The following IGSF3 variants were observed in gnomAD, a reference collection of about 807,000 sequenced individuals.
The protein encoded by IGSF3 is immunoglobulin superfamily member 3.
IGSF3 carries 23 observed loss-of-function variants against 114.4 expected under a neutral mutation model. The ratio of observed to expected loss-of-function variants is 0.20; its 90% CI spans 0.14 to 0.28. The LOEUF (loss-of-function observed/expected upper bound fraction) is 0.28, where lower values mean the gene tolerates loss of function less well. Ranked by LOEUF, IGSF3 falls within the 10% of genes least tolerant of loss-of-function variation. The pLI is 1.00. For missense variants in IGSF3, 1,172 were observed against 1,591.5 expected, an observed-to-expected ratio of 0.74 and a Z score of 4.48; for synonymous variants, 571 against 645.2, an observed-to-expected ratio of 0.88 and a Z score of 1.74.
At position 116,600,931 on chromosome 1, in the gene IGSF3, C is replaced by T. The variant is rs1397170928; in HGVS notation, c.1625-586G>A. ...TATCCTAAATGCAGGGTTCTGCAGG[C>T]TCAGCGGCTGTGGGTCTCTCAATAT... On this transcript the variant is annotated intron_variant, in intron 6 of 10. Transcript: ENST00000369486. The surrounding 1 kb of genome is among the most constrained non-coding windows in gnomAD (Gnocchi z 5.5). 6.6e-6 allele frequency among the ~76,000 whole-genome samples: 1 copy of T among 152,188 alleles called. No individual in the cohort carries two copies. The highest frequency in any genetic ancestry group is 1.5e-5 in the Non-Finnish European group (1 of 68,042).
At chr1:116,581,460 T>G (rs1341695510) in intron 9 of IGSF3, among the ~76,000 whole-genome samples, 1 of 151,692 alleles carries the variant, frequency 6.6e-6, no homozygotes, top group East Asian at 1.9e-4. Context: ...TAAACTGAAG[T>G]AGAGATACCA....
chr1:116,621,605 C>CT (rs1279231689), intron 2 of IGSF3, among the ~76,000 whole-genome samples: 97 of 148,568 alleles, frequency 6.5e-4, no homozygotes, highest in African/African-American at 1.3e-3. Flanking sequence ...AAGTTTGGGG[C>CT]TTTTTTTTTT....
In IGSF3 at chr1:116,627,351, T is replaced by C; in HGVS notation, c.44-10894A>G. ...CTAGGATACCCCAGTTTCTCCAGAC[T>C]CTCAGTCTGGTCCCCAGATTTTCAG... is the stretch of plus-strand genomic sequence containing the variant. On this transcript the variant is annotated intron_variant, in intron 2 of 10. Coordinates refer to ENST00000369486, the MANE Select transcript of IGSF3 (RefSeq NM_001007237.3). The surrounding 1 kb of genome is among the most constrained non-coding windows in gnomAD (Gnocchi z 4.7). 6.6e-6 allele frequency among the ~76,000 whole-genome samples: 1 copy of C among 152,314 alleles called. No individual in the cohort carries two copies. The highest frequency in any genetic ancestry group is 1.9e-4 in the East Asian group (1 of 5,178).
intron 6 of IGSF3, among the ~76,000 whole-genome samples, chr1:116,601,180 C>T (rs1327414829): frequency 2.0e-5 from 3 of 152,164 alleles, no homozygotes; most frequent in African/African-American, 4.8e-5. Flanking sequence ...CCTTGTAGAA[C>T]AGGCAGGCTT....
rs1647326505 is a variant in IGSF3, at chr1:116,627,116, G to A, written c.44-10659C>T. 6.6e-6 allele frequency among the ~76,000 whole-genome samples: 1 copy of A among 152,134 alleles called. No individual in the cohort carries two copies. The highest frequency in any genetic ancestry group is 6.5e-5 in the Admixed American group (1 of 15,280). On this transcript the variant is annotated intron_variant, in intron 2 of 10. Transcript: ENST00000369486. The surrounding 1 kb of genome is among the most constrained non-coding windows in gnomAD (Gnocchi z 4.7). ...TTTCCGTCCGGTTTTGGAGATAACA[G>A]AAATAGGCTGAGTGTTGGGCATTTT...
Position 116,596,434 on chromosome 1 carries a change from G to C in IGSF3, c.2029+3507C>G, listed in dbSNP as rs688378. On this transcript the variant is annotated intron_variant, in intron 7 of 10. Transcript: ENST00000369486. The surrounding 1 kb of genome is among the most constrained non-coding windows in gnomAD (Gnocchi z 4.1). ...GCGCTGGTTCGGAGCTCTGGTATCC[G>C]CAAGTCTTAGAGCCACCTTGTGGCA... is the stretch of plus-strand genomic sequence containing the variant. Among the ~76,000 whole-genome samples, 58,404 of 151,938 alleles carry C rather than the reference G, an allele frequency of 0.38. 11,602 individuals are homozygous for C. Among genetic ancestry groups the C allele is most frequent in the Non-Finnish European group, 0.41 (27,774 of 67,926 alleles).
At position 116,582,342 on chromosome 1, in the gene IGSF3, C is replaced by CCTGGATCTCACTGTGACCGCCA. The variant is rs1553209599; in HGVS notation, c.2848+2281_2848+2302dup. On this transcript the variant is annotated intron_variant, in intron 9 of 10. Transcript: ENST00000369486. The surrounding 1 kb of genome is among the most constrained non-coding windows in gnomAD (Gnocchi z 4.7). ...CTGTCTGCGTGACACTAACAGCTCC[C>CCTGGATCTCACTGTGACCGCCA]CTGGATCTCACTGTGACCGCCAATT... 6.6e-6 allele frequency among the ~76,000 whole-genome samples: 1 copy of CCTGGATCTCACTGTGACCGCCA among 152,222 alleles called. No individual in the cohort carries two copies. Among genetic ancestry groups the CCTGGATCTCACTGTGACCGCCA allele is most frequent in the Non-Finnish European group, 1.5e-5 (1 of 68,042 alleles).
intron 1 of IGSF3, among the ~76,000 whole-genome samples, chr1:116,667,260 T>C (rs1428444950): frequency 6.6e-6 from 1 of 151,912 alleles, no homozygotes; most frequent in African/African-American, 2.4e-5. Flanking sequence ...CCAGGGCAAA[T>C]CGGGAAGGGG....
At position 116,647,502 on chromosome 1, in the gene IGSF3, C is replaced by T. The variant is rs936546977; in HGVS notation, c.43+18782G>A. 2.0e-5 allele frequency among the ~76,000 whole-genome samples: 3 copies of T among 152,186 alleles called. No homozygotes were observed. Among genetic ancestry groups the T allele is most frequent in the African/African-American group, 7.2e-5 (3 of 41,420 alleles). Reference sequence around the variant, plus strand: ...TAATGACAACCACCATTTATTGAGCCCTTACTATGTGCCAGACCGATGCTA... The same window carrying T: ...TAATGACAACCACCATTTATTGAGCTCTTACTATGTGCCAGACCGATGCTA... On this transcript the variant is annotated intron_variant, in intron 2 of 10. Coordinates refer to ENST00000369486, the MANE Select transcript of IGSF3 (RefSeq NM_001007237.3). This position sits in a 1 kb window ranked among gnomAD's most constrained non-coding sequence, Gnocchi z 4.6.
At position 116,595,149 on chromosome 1, in the gene IGSF3, A is replaced by G. The variant is rs1660290221; in HGVS notation, c.2029+4792T>C. ...AAGAGTCTGCAGGTGGAAATAGCTA[A>G]TGAAGGTTACCCAGATGTGCCCTAC... On this transcript the variant is annotated intron_variant, in intron 7 of 10. Transcript: ENST00000369486. The surrounding 1 kb of genome is among the most constrained non-coding windows in gnomAD (Gnocchi z 4.2). 6.6e-6 allele frequency among the ~76,000 whole-genome samples: 1 copy of G among 152,126 alleles called. No homozygotes were observed. Among genetic ancestry groups the G allele is most frequent in the African/African-American group, 2.4e-5 (1 of 41,420 alleles).
rs1648127118 is a variant in IGSF3 at position 116,642,015 on chromosome 1, C to A, written c.43+24269G>T. On this transcript the variant is annotated intron_variant, in intron 2 of 10. Transcript: ENST00000369486. This position sits in a 1 kb window ranked among gnomAD's most constrained non-coding sequence, Gnocchi z 5.4. Reference sequence around the variant, plus strand: ...AACTCCTGGGCTCCAGTGATCCTCCCACCTCAGCCTCCCAAAGTGCTAGGA... The same window carrying A: ...AACTCCTGGGCTCCAGTGATCCTCCAACCTCAGCCTCCCAAAGTGCTAGGA... Among the ~76,000 whole-genome samples the A allele has an allele frequency of 1.3e-5, 2 of 151,900 alleles. No individual in the cohort carries two copies. Among genetic ancestry groups the A allele is most frequent in the Non-Finnish European group, 2.9e-5 (2 of 67,958 alleles).
chr1:116,648,267 C>A lies in IGSF3; in HGVS notation c.43+18017G>T, dbSNP rs2020982. 0.23 allele frequency among the ~76,000 whole-genome samples: 34,293 copies of A among 152,098 alleles called. 4,012 individuals carry two copies. Among genetic ancestry groups the A allele is most frequent in the South Asian group, 0.34 (1,636 of 4,822 alleles). On this transcript the variant is annotated intron_variant, in intron 2 of 10. Coordinates refer to ENST00000369486, the MANE Select transcript of IGSF3 (RefSeq NM_001007237.3). The surrounding 1 kb of genome is among the most constrained non-coding windows in gnomAD (Gnocchi z 4.7). ...ACTGTCTTTAAATTTTCAAACTTAT[C>A]AAGAAAAGCTCCAGAGAGGACAATG...
Position 116,577,531 on chromosome 1 carries a change from G to A in IGSF3, c.3366C>T (p.Asn1122=), listed in dbSNP as rs772869930. The part of the protein sequence containing the change: ...SPTLQSIICS[N]DALFYFVFFY... Reference sequence around the variant, plus strand: ...AGAAGACGAAGTAGAAGAGTGCGTCGTTGGAGCAGATGATGGACTGGAGGG... The same window carrying A: ...AGAAGACGAAGTAGAAGAGTGCGTCATTGGAGCAGATGATGGACTGGAGGG... The change falls in exon 11 of 11, where the codon AAC becomes AAT. Residue 1122 remains asparagine, a synonymous_variant. Coordinates refer to ENST00000369486, the MANE Select transcript of IGSF3 (RefSeq NM_001007237.3). The surrounding 1 kb of genome is among the most constrained non-coding windows in gnomAD (Gnocchi z 5.7). The A allele has an allele frequency of 5.6e-6, 9 of 1,613,880 alleles. No individual in the cohort carries two copies. Among genetic ancestry groups the A allele is most frequent in the South Asian group, 1.1e-5 (1 of 91,078 alleles).
intron 8 of IGSF3, among the ~76,000 whole-genome samples, chr1:116,587,613 A>G (rs1659909305): frequency 6.6e-6 from 1 of 152,232 alleles, no homozygotes; most frequent in Admixed American, 6.5e-5. Context: ...ATGCTTACAG[A>G]GTAGTACAGA....
In IGSF3 at chr1:116,594,745, G is replaced by C. The variant is rs907493658; in HGVS notation, c.2029+5196C>G. On this transcript the variant is annotated intron_variant, in intron 7 of 10. Coordinates refer to ENST00000369486, the MANE Select transcript of IGSF3 (RefSeq NM_001007237.3). This position sits in a 1 kb window ranked among gnomAD's most constrained non-coding sequence, Gnocchi z 5.2. Reference sequence around the variant, plus strand: ...TTCTTGATCCCTGCCAGCTTGCCTGGGGGTGAACCCTCCCCAGACCCCATG... The same window carrying C: ...TTCTTGATCCCTGCCAGCTTGCCTGCGGGTGAACCCTCCCCAGACCCCATG... Among the ~76,000 whole-genome samples the C allele has an allele frequency of 1.3e-5, 2 of 151,946 alleles. No individual in the cohort carries two copies. The highest frequency in any genetic ancestry group is 4.8e-5 in the African/African-American group (2 of 41,332).
rs1283093779 is a variant in IGSF3, at chr1:116,608,189, G to A, written c.975C>T (p.Ile325=). The A allele has an allele frequency of 4.3e-6, 7 of 1,611,332 alleles. No individual in the cohort carries two copies. In the East Asian group the frequency reaches 6.7e-5, roughly 15 times the overall value. The change falls in exon 5 of 11, where the codon ATC becomes ATT. Residue 325 remains isoleucine (I), a synonymous_variant. Transcript: ENST00000369486. ...GCACAGCGTTAGGACCCATGGTGGC[G>A]ATGAGCGAGCTGTTGAAGGCCCAGG... ...AVSWAFNSSL[I]ATMGPNAVPV...
intron 7 of IGSF3, among the ~76,000 whole-genome samples, chr1:116,597,443 G>T (rs1660388606): frequency 6.6e-6 from 1 of 152,108 alleles, no homozygotes; most frequent in Non-Finnish European, 1.5e-5. Context: ...ACACTTAAGG[G>T]GATGCACTCT....
At position 116,610,120 on chromosome 1, in the gene IGSF3, T is replaced by C. The variant is rs574028396; in HGVS notation, c.833-1789A>G. Among the ~76,000 whole-genome samples the C allele has an allele frequency of 6.6e-6, 1 of 152,320 alleles. No homozygotes were observed. The highest frequency in any genetic ancestry group is 2.1e-4 in the South Asian group (1 of 4,828). ...GGAAGCACATTTCACTCTGCCACCA[T>C]CTGCCTGGATGAACACACCCATATG... On this transcript the variant is annotated intron_variant, in intron 4 of 10. Coordinates refer to ENST00000369486, the MANE Select transcript of IGSF3 (RefSeq NM_001007237.3). The surrounding 1 kb of genome is among the most constrained non-coding windows in gnomAD (Gnocchi z 4.3).
At position 116,632,270 on chromosome 1, in the gene IGSF3, C is replaced by T. The variant is rs1435017845; in HGVS notation, c.44-15813G>A. ...GAAACCAGAAAATGCTGACCATCCC[C>T]CAAAACCTCCCACCCCACCTAGTGC... On this transcript the variant is annotated intron_variant, in intron 2 of 10. Coordinates refer to ENST00000369486, the MANE Select transcript of IGSF3 (RefSeq NM_001007237.3). The surrounding 1 kb of genome is among the most constrained non-coding windows in gnomAD (Gnocchi z 5.1). Among the ~76,000 whole-genome samples the T allele has an allele frequency of 1.3e-5, 2 of 152,174 alleles. No individual in the cohort carries two copies. Among genetic ancestry groups the T allele is most frequent in the African/African-American group, 4.8e-5 (2 of 41,436 alleles).
Sources: gnomAD v4.1 joint callset for allele counts (sites outside exome capture counted in the v4.1 genomes callset) on GRCh38, gnomAD v4.1.1 for gene constraint, Gnocchi (gnomAD v3.1) non-coding constraint, MANE v1.5 for transcripts, NCBI Gene and HGNC (gene_info 2026-07-23, HGNC 2026-07-21) for gene names.